The following JAKMIP1 variants were observed in gnomAD, a reference collection of about 807,000 sequenced individuals.
JAKMIP1 encodes janus kinase and microtubule-interacting protein 1.
JAKMIP1 carries 33 observed loss-of-function variants against 113.0 expected under a neutral mutation model. The observed-to-expected ratio is 0.29, with a 90% CI of 0.22 to 0.39. The LOEUF (loss-of-function observed/expected upper bound fraction) is 0.39, where lower values mean the gene tolerates loss of function less well. Ranked by LOEUF, JAKMIP1 falls within the 10% of genes least tolerant of loss-of-function variation. JAKMIP1 has a pLI of 1.00. For missense variants in JAKMIP1, 813 were observed against 1,080.5 expected (o/e 0.75, Z 3.47); for synonymous variants, 480 against 459.9 (o/e 1.04, Z -0.56).
chr4:6,057,887 C>G (rs949086977), intron 11 of JAKMIP1, among the ~76,000 whole-genome samples: 5 of 152,354 alleles, frequency 3.3e-5, no homozygotes, highest in African/African-American at 1.2e-4. Flanking sequence ...AGGTGGGCCT[C>G]CCTGAGGTGG....
intron 1 of JAKMIP1, among the ~76,000 whole-genome samples, chr4:6,149,555 C>T (rs894740047): frequency 7.2e-5 from 11 of 152,134 alleles, no homozygotes; most frequent in African/African-American, 1.4e-4. Flanking sequence ...TTGCTACACA[C>T]GTGGTCAAGA....
chr4:6,146,064 T>C (rs1486119004), intron 1 of JAKMIP1, among the ~76,000 whole-genome samples: 2 of 152,196 alleles, frequency 1.3e-5, no homozygotes, highest in Admixed American at 6.5e-5. Context: ...CTGTGGTCTA[T>C]ACATTCAGTG....
chr4:6,134,725 C>G (rs756645367), intron 1 of JAKMIP1, among the ~76,000 whole-genome samples: 33 of 152,218 alleles, frequency 2.2e-4, no homozygotes, highest in Non-Finnish European at 4.4e-4. Context: ...CTCTTGAGTG[C>G]CTGTGAAATG....
In JAKMIP1 at chr4:6,186,617, T is replaced by A. The variant is rs1242094586; in HGVS notation, c.-148+13636A>T. Among the ~76,000 whole-genome samples, 1 of 152,194 alleles carries A rather than the reference T, an allele frequency of 6.6e-6. No homozygotes were observed. Among genetic ancestry groups the A allele is most frequent in the Non-Finnish European group, 1.5e-5 (1 of 68,038 alleles). On this transcript the variant is annotated intron_variant, in intron 1 of 20. Coordinates refer to ENST00000409021, the MANE Select transcript of JAKMIP1 (RefSeq NM_001099433.2). This position sits in a 1 kb window ranked among gnomAD's most constrained non-coding sequence, Gnocchi z 5.5. ...CATATGGTCTATCCTGGAAAATGATTCATGGGCACTAGAGAAGAATATTTA... is the reference window on the plus strand; with the variant it reads ...CATATGGTCTATCCTGGAAAATGATACATGGGCACTAGAGAAGAATATTTA...
chr4:6,169,417 A>AGC (rs1724058648), intron 1 of JAKMIP1, among the ~76,000 whole-genome samples: 1 of 136,776 alleles, frequency 7.3e-6, no homozygotes, highest in African/African-American at 2.7e-5. Flanking sequence ...CAAACCAAGG[A>AGC]GCCAAGGACA....
chr4:6,095,461 G>A (rs930488533), intron 3 of JAKMIP1, among the ~76,000 whole-genome samples: 1 of 152,208 alleles, frequency 6.6e-6, no homozygotes, highest in Non-Finnish European at 1.5e-5. Flanking sequence ...GGCAGCCCCT[G>A]CCAACCTGTC....
In JAKMIP1 at chr4:6,141,238, C is replaced by G. The variant is rs529583616; in HGVS notation, c.-147-28241G>C. ...ATCACTTGAGCCCAGGAATTCGAGACCAGCCTGGCCAACATGGCGAAACCC... is the reference window on the plus strand; with the variant it reads ...ATCACTTGAGCCCAGGAATTCGAGAGCAGCCTGGCCAACATGGCGAAACCC... On this transcript the variant is annotated intron_variant, in intron 1 of 20. Transcript: ENST00000409021. This position sits in a 1 kb window ranked among gnomAD's most constrained non-coding sequence, Gnocchi z 9.4. 2.0e-5 allele frequency among the ~76,000 whole-genome samples: 3 copies of G among 152,258 alleles called. No individual in the cohort carries two copies. Among genetic ancestry groups the G allele is most frequent in the East Asian group, 3.9e-4 (2 of 5,178 alleles).
rs1717231742 is a variant in JAKMIP1 at position 6,061,203 on chromosome 4, T to G, written c.1561-696A>C. On this transcript the variant is annotated intron_variant, in intron 10 of 20. Transcript: ENST00000409021. This position sits in a 1 kb window ranked among gnomAD's most constrained non-coding sequence, Gnocchi z 5.3. The stretch of plus-strand genomic sequence containing the variant: ...TCTATAGAATCTCTTGATTTTTAAA[T>G]GTTGGCAAGTAGATGAAATTTAAAA... Among the ~76,000 whole-genome samples, 1 of 152,246 alleles carries G rather than the reference T, an allele frequency of 6.6e-6. No individual in the cohort carries two copies. Among genetic ancestry groups the G allele is most frequent in the African/African-American group, 2.4e-5 (1 of 41,460 alleles).
rs558212792 is a variant in JAKMIP1, at chr4:6,141,070, C to T, written c.-147-28073G>A. The stretch of plus-strand genomic sequence containing the variant: ...TGGGCCCCCTGCCCAGCATTCACAG[C>T]GAAGAAGCCTCAGTCAGTCACTACC... On this transcript the variant is annotated intron_variant, in intron 1 of 20. Transcript: ENST00000409021. This position sits in a 1 kb window ranked among gnomAD's most constrained non-coding sequence, Gnocchi z 9.4. 2.4e-4 allele frequency among the ~76,000 whole-genome samples: 37 copies of T among 152,314 alleles called. No homozygotes were observed. Among genetic ancestry groups the T allele is most frequent in the African/African-American group, 8.2e-4 (34 of 41,548 alleles).
At chr4:6,039,504 A>T (rs1372312801) in intron 18 of JAKMIP1, among the ~76,000 whole-genome samples, 3 of 152,166 alleles carry the variant, frequency 2.0e-5, no homozygotes, top group Non-Finnish European at 4.4e-5. Context: ...ACAGGGATGC[A>T]TGACGGGGAT....
chr4:6,167,164 C>T lies in JAKMIP1; in HGVS notation c.-148+33089G>A, dbSNP rs896671881. The stretch of plus-strand genomic sequence containing the variant: ...TAGACCTGCTCCTCCTTCCAGGGCC[C>T]TGCCTCCGCAAAGAGCACGATGTTC... On this transcript the variant is annotated intron_variant, in intron 1 of 20. Coordinates refer to ENST00000409021, the MANE Select transcript of JAKMIP1 (RefSeq NM_001099433.2). The surrounding 1 kb of genome is among the most constrained non-coding windows in gnomAD (Gnocchi z 5.3). Among the ~76,000 whole-genome samples the T allele has an allele frequency of 6.6e-6, 1 of 152,196 alleles. No homozygotes were observed. The highest frequency in any genetic ancestry group is 1.5e-5 in the Non-Finnish European group (1 of 68,032).
intron 1 of JAKMIP1, among the ~76,000 whole-genome samples, chr4:6,122,645 C>G (rs1296723712): frequency 6.6e-6 from 1 of 152,180 alleles, no homozygotes; most frequent in Non-Finnish European, 1.5e-5. Context: ...AAGCAAGTGC[C>G]GGCTCTAGGA....
At position 6,179,968 on chromosome 4, in the gene JAKMIP1, G is replaced by T. The variant is rs1310126064; in HGVS notation, c.-148+20285C>A. Among the ~76,000 whole-genome samples the T allele has an allele frequency of 6.6e-6, 1 of 152,134 alleles. No homozygotes were observed. Among genetic ancestry groups the T allele is most frequent in the South Asian group, 2.1e-4 (1 of 4,832 alleles). ...CTGCCCAAAGAACTGTGTCTGTTTT[G>T]TTTTCTATCCCTAGGACCAGCAGCA... On this transcript the variant is annotated intron_variant, in intron 1 of 20. Transcript: ENST00000409021. The surrounding 1 kb of genome is among the most constrained non-coding windows in gnomAD (Gnocchi z 4.5).
chr4:6,098,739 G>GA (rs11388120), intron 3 of JAKMIP1, among the ~76,000 whole-genome samples: 1,535 of 7,404 alleles, frequency 0.21, 22 homozygotes, highest in Middle Eastern at 0.4. Context: ...AGAAAGAGAA[G>GA]GAAGGAAGGA....
chr4:6,055,583 C>A (rs1236237203), intron 12 of JAKMIP1, among the ~76,000 whole-genome samples: 1 of 152,196 alleles, frequency 6.6e-6, no homozygotes, highest in Non-Finnish European at 1.5e-5. Context: ...GGTTGAAGGG[C>A]TCTGGACCAT....
chr4:6,130,689 A>G (rs564106703), intron 1 of JAKMIP1, among the ~76,000 whole-genome samples: 3 of 152,318 alleles, frequency 2.0e-5, no homozygotes, highest in Admixed American at 2.0e-4. Flanking sequence ...AAATTCTAAA[A>G]AAAGGATAAA....
chr4:6,029,816 A>G, intron 19 of JAKMIP1, 35 bp from the exon 20 acceptor site: 3 of 1,452,052 alleles, frequency 2.1e-6, no homozygotes, highest in Non-Finnish European at 2.9e-6. Flanking sequence ...AGAAAAAGTA[A>G]GTTTTCCAGG....
chr4:6,190,339 G>A (rs1727115899), intron 1 of JAKMIP1, among the ~76,000 whole-genome samples: 1 of 152,196 alleles, frequency 6.6e-6, no homozygotes, highest in Admixed American at 6.5e-5. Flanking sequence ...TGCAAGAGCA[G>A]CTAAAATCTA....
Position 6,038,506 on chromosome 4 carries a change from T to C in JAKMIP1, c.2175+2133A>G, listed in dbSNP as rs868022474. Among the ~76,000 whole-genome samples, 531 of 141,646 alleles carry C rather than the reference T, an allele frequency of 3.7e-3. 9 individuals carry two copies. The highest frequency in any genetic ancestry group is 0.014 in the African/African-American group (479 of 35,334). 92.9% of individuals were successfully genotyped at this position (141,646 alleles called of 152,430 possible). ...GGTTAACCCAGTAGCCCTCCATCAC[T>C]GAGGCAGAGGCTAACCGGTATCCCT... is the stretch of plus-strand genomic sequence containing the variant. On this transcript the variant is annotated intron_variant, in intron 18 of 20. Coordinates refer to ENST00000409021, the MANE Select transcript of JAKMIP1 (RefSeq NM_001099433.2).
Sources: gnomAD v4.1 joint callset for allele counts (sites outside exome capture counted in the v4.1 genomes callset) on GRCh38, gnomAD v4.1.1 for gene constraint, Gnocchi (gnomAD v3.1) non-coding constraint, MANE v1.5 for transcripts, NCBI Gene and HGNC (gene_info 2026-07-23, HGNC 2026-07-21) for gene names.